Variants in DPP10 observed in about 807,000 individuals in gnomAD.
The protein encoded by DPP10 is inactive dipeptidyl peptidase 10.
Under a neutral mutation model 120.9 loss-of-function variants are expected in DPP10, and 33 were observed. The ratio of observed to expected loss-of-function variants is 0.27; its 90% CI spans 0.21 to 0.37. The LOEUF is 0.37. DPP10 is among the 10% of genes least tolerant of loss of function. DPP10 has a pLI of 1.00. For synonymous variants in DPP10, 337 were observed against 326.1 expected (o/e 1.03, Z -0.36); for missense variants, 816 against 942.8 (o/e 0.87, Z 1.76).
At chr2:114,948,934 T>A (rs567354737) in intron 1 of DPP10, among the ~76,000 whole-genome samples, 1 of 151,948 alleles carries the variant, frequency 6.6e-6, no homozygotes, top group African/African-American at 2.4e-5. Flanking sequence ...CACTTTGTTT[T>A]TTTTTTTTGA....
intron 4 of DPP10, among the ~76,000 whole-genome samples, chr2:115,517,640 G>A (rs187486080): frequency 5.3e-5 from 8 of 151,956 alleles, no homozygotes; most frequent in Non-Finnish European, 1.0e-4. Flanking sequence ...TATATTTATT[G>A]TTTATCTTAC....
intron 1 of DPP10, among the ~76,000 whole-genome samples, chr2:114,797,360 T>C (rs898097579): frequency 6.6e-6 from 1 of 152,188 alleles, no homozygotes; most frequent in Non-Finnish European, 1.5e-5. Context: ...TCAGGGTTTC[T>C]AGGTCTAAAC....
At chr2:114,976,166 A>G (rs989132959) in intron 1 of DPP10, among the ~76,000 whole-genome samples, 14 of 152,262 alleles carry the variant, frequency 9.2e-5, no homozygotes, top group Admixed American at 8.5e-4. Flanking sequence ...AATTTAAACT[A>G]CATATTTCAT....
intron 3 of DPP10, among the ~76,000 whole-genome samples, chr2:115,419,481 G>T (rs1476225447): frequency 6.6e-6 from 1 of 152,130 alleles, no homozygotes; most frequent in Non-Finnish European, 1.5e-5. Context: ...TAATGAGCTA[G>T]TAGAGGGGAG....
At chr2:114,763,393 C>T (rs1680445492) in intron 1 of DPP10, among the ~76,000 whole-genome samples, 1 of 152,306 alleles carries the variant, frequency 6.6e-6, no homozygotes, top group African/African-American at 2.4e-5. Flanking sequence ...CACTGGTTGG[C>T]AGAATGGCCA....
intron 1 of DPP10, among the ~76,000 whole-genome samples, chr2:114,723,175 C>G (rs1701818119): frequency 6.6e-6 from 1 of 152,184 alleles, no homozygotes; most frequent in South Asian, 2.1e-4. Context: ...TCCTAGCCTC[C>G]ATTAGGAAAG....
At chr2:115,151,717 T>A (rs1573798535) in intron 1 of DPP10, among the ~76,000 whole-genome samples, 1 of 142,428 alleles carries the variant, frequency 7.0e-6, no homozygotes, top group East Asian at 2.0e-4. Flanking sequence ...AGTATTGAAT[T>A]TTTTTTTTTT....
At chr2:114,776,740 TGTA>T (rs1386289891) in intron 1 of DPP10, among the ~76,000 whole-genome samples, 7 of 152,082 alleles carry the variant, frequency 4.6e-5, no homozygotes, top group Admixed American at 6.6e-5. Flanking sequence ...ATATTCAAGT[TGTA>T]GTGATTTAAA....
At chr2:114,552,347 T>A (rs1201157669) in intron 1 of DPP10, among the ~76,000 whole-genome samples, 1 of 149,916 alleles carries the variant, frequency 6.7e-6, no homozygotes, top group African/African-American at 2.4e-5. Context: ...ATTACAAGTT[T>A]GCTCCTGTAT....
chr2:115,561,691 A>C (rs2080687651), intron 5 of DPP10, among the ~76,000 whole-genome samples: 1 of 152,160 alleles, frequency 6.6e-6, no homozygotes, highest in Admixed American at 6.5e-5. Context: ...AATGGCTATT[A>C]ATTTTCCTTA....
At chr2:114,774,282 A>G (rs907984145) in intron 1 of DPP10, among the ~76,000 whole-genome samples, 1 of 152,058 alleles carries the variant, frequency 6.6e-6, no homozygotes, top group African/African-American at 2.4e-5. Context: ...AGGCAAGCAA[A>G]TGCTCTTCAT....
chr2:115,354,020 A>G (rs1157551223), intron 3 of DPP10, among the ~76,000 whole-genome samples: 1 of 152,136 alleles, frequency 6.6e-6, no homozygotes, highest in African/African-American at 2.4e-5. Flanking sequence ...ATTTTATTGG[A>G]ATGTTTAGAT....
At position 114,674,981 on chromosome 2, in the gene DPP10, T is replaced by TA. The variant is rs561634400; in HGVS notation, c.60+232145dup. On this transcript the variant is annotated intron_variant, in intron 1 of 25. Transcript: ENST00000410059. ...TTTCTGACAAAGTTCAAAGTTAGTG[T>TA]AACCCTTCACTTCATGGGTGACCTG... Among the ~76,000 whole-genome samples, 323 of 152,320 alleles carry TA rather than the reference T, an allele frequency of 2.1e-3. 2 individuals carry two copies. The highest frequency in any genetic ancestry group is 7.3e-3 in the African/African-American group (305 of 41,576).
At chr2:115,765,361 A>G (rs551784774) in intron 12 of DPP10, among the ~76,000 whole-genome samples, 83 of 152,298 alleles carry the variant, frequency 5.4e-4, no homozygotes, top group African/African-American at 1.7e-3. Flanking sequence ...ATAGAGTGAT[A>G]TATAAAACTA....
intron 1 of DPP10, among the ~76,000 whole-genome samples, chr2:114,954,904 T>G (rs1242242344): frequency 6.6e-6 from 1 of 151,976 alleles, no homozygotes; most frequent in Non-Finnish European, 1.5e-5. Context: ...ACTACAAAGA[T>G]CAAATCATGA....
intron 1 of DPP10, among the ~76,000 whole-genome samples, chr2:114,858,974 A>G (rs978072301): frequency 2.6e-5 from 4 of 152,134 alleles, no homozygotes; most frequent in African/African-American, 7.2e-5. Context: ...ACAAATCTCA[A>G]TAGGAGTAGC....
At position 115,729,624 on chromosome 2, in the gene DPP10, G is replaced by C. The variant is rs150742865; in HGVS notation, c.697+1688G>C. ...TCTACTAAAAAATTTTTAAAAATTA[G>C]CCAGATGTGATGGCATGCACCTGTG... On this transcript the variant is annotated intron_variant, in intron 8 of 25. Transcript: ENST00000410059. Among the ~76,000 whole-genome samples, 17 of 152,210 alleles carry C rather than the reference G, an allele frequency of 1.1e-4. No individual in the cohort carries two copies. The East Asian group carries it at 2.7e-3, about 24-fold the overall frequency.
chr2:115,211,680 A>G (rs2056523894), intron 1 of DPP10, among the ~76,000 whole-genome samples: 1 of 151,930 alleles, frequency 6.6e-6, no homozygotes, highest in South Asian at 2.1e-4. Flanking sequence ...TTTTTTATTG[A>G]CAGAAGCAAT....
intron 1 of DPP10, among the ~76,000 whole-genome samples, chr2:114,526,974 C>A (rs1477859734): frequency 1.3e-5 from 2 of 152,130 alleles, no homozygotes; most frequent in Admixed American, 6.6e-5. Flanking sequence ...CTGTAATCCT[C>A]TCCTTTTGAT....
Sources: allele counts gnomAD v4.1 joint callset (sites outside exome capture counted in the v4.1 genomes callset), GRCh38; gene constraint gnomAD v4.1.1; transcripts MANE v1.5; gene names NCBI Gene and HGNC (gene_info 2026-07-23, HGNC 2026-07-21).